PCBP3: variants seen among roughly 807,000 people sequenced by gnomAD.
PCBP3 encodes the protein poly(rC)-binding protein 3.
Under a neutral mutation model 52.7 loss-of-function variants are expected in PCBP3, and 25 were observed. The ratio of observed to expected loss-of-function variants is 0.47; its 90% CI spans 0.35 to 0.66. PCBP3 has a LOEUF of 0.66. PCBP3 is among the 30% of genes least tolerant of loss of function. PCBP3 has a pLI of 0.01. For missense variants in PCBP3, 391 were observed against 490.3 expected, an observed-to-expected ratio of 0.80 and a Z score of 1.91; for synonymous variants, 162 against 183.0, an observed-to-expected ratio of 0.89 and a Z score of 0.93.
At chr21:45,870,278 A>C (rs1186563333) in intron 5 of PCBP3, among the ~76,000 whole-genome samples, 3 of 152,198 alleles carry the variant, frequency 2.0e-5, no homozygotes. Flanking sequence ...TATTTTTAGC[A>C]GATACCATTT....
At chr21:45,709,459 A>C (rs2083681322) in intron 2 of PCBP3, among the ~76,000 whole-genome samples, 1 of 152,178 alleles carries the variant, frequency 6.6e-6, no homozygotes, top group Admixed American at 6.5e-5. Context: ...GACCTCTGCA[A>C]TGTCAGTGTC....
intron 4 of PCBP3, among the ~76,000 whole-genome samples, chr21:45,759,193 G>T (rs781677297): frequency 8.5e-5 from 13 of 152,092 alleles, no homozygotes; most frequent in Non-Finnish European, 1.8e-4. Context: ...GATTTGGGAA[G>T]GATTTCCTCC....
rs61736689 is a variant in PCBP3, at chr21:45,941,676, G to A, written c.1086G>A (p.Thr362=). ...LAQYLINARL[T]SEVTGMGTL is the part of the protein sequence containing the mutation. ...CTGCCTTTGTCTGTTCCAGGCTGACGTCCGAGGTCACCGGGATGGGCACGC... is the reference window on the plus strand; with the variant it reads ...CTGCCTTTGTCTGTTCCAGGCTGACATCCGAGGTCACCGGGATGGGCACGC... The change falls in exon 18 of 18, where the codon ACG becomes ACA. Residue 362 remains threonine (T), a synonymous_variant. Transcript: ENST00000681687. 4,821 of 1,606,558 alleles carry A rather than the reference G, an allele frequency of 3.0e-3. 122 individuals are homozygous for A. In the African/African-American group the frequency reaches 0.055, roughly 18 times the overall value.
At chr21:45,820,891 A>G (rs1002708749) in intron 4 of PCBP3, among the ~76,000 whole-genome samples, 1 of 151,990 alleles carries the variant, frequency 6.6e-6, no homozygotes, top group African/African-American at 2.4e-5. Flanking sequence ...CCTTCAGCAG[A>G]GGCCCTCAGG....
chr21:45,831,498 G>A (rs963460806), intron 4 of PCBP3, among the ~76,000 whole-genome samples: 4 of 152,084 alleles, frequency 2.6e-5, no homozygotes, highest in Non-Finnish European at 5.9e-5. Flanking sequence ...CATATAGATG[G>A]TGAGGTCTGT....
At chr21:45,843,037 G>A (rs771561719) in intron 4 of PCBP3, among the ~76,000 whole-genome samples, 122 of 152,126 alleles carry the variant, frequency 8.0e-4, no homozygotes, top group Non-Finnish European at 1.6e-3. Context: ...ATATAGAGGA[G>A]GAAGCACAAA....
chr21:45,749,950 C>T (rs939916115), intron 3 of PCBP3: 2 of 152,260 alleles, frequency 1.3e-5, no homozygotes, highest in African/African-American at 4.8e-5. Flanking sequence ...GAACATTTTC[C>T]ACAGCCTTTC....
chr21:45,657,205 T>TG (rs1383097799), intron 1 of PCBP3, among the ~76,000 whole-genome samples: 2 of 152,254 alleles, frequency 1.3e-5, no homozygotes, highest in African/African-American at 4.8e-5. Context: ...TTTTGTTGCT[T>TG]GTGCTTTGTC....
chr21:45,930,897 C>G, intron 15 of PCBP3, 52 bp downstream of exon 15: 2 of 1,607,388 alleles, frequency 1.2e-6, no homozygotes, highest in Non-Finnish European at 1.7e-6. Context: ...CAGAGCAGAG[C>G]CCCAGTGGGA....
rs554504283 is a variant in PCBP3 at position 45,844,351 on chromosome 21, G to A, written c.-125-5610G>A. 1.2e-4 allele frequency among the ~76,000 whole-genome samples: 18 copies of A among 152,204 alleles called. No individual in the cohort carries two copies. The South Asian group carries it at 3.1e-3, about 26-fold the overall frequency. On this transcript the variant is annotated intron_variant, in intron 4 of 17. Coordinates refer to ENST00000681687, the MANE Select transcript of PCBP3 (RefSeq NM_001384156.1). ...ACCTAAGGACTCTTATGATTGGGTG[G>A]CAGGGGTGGGTGGTGCTGCCCTGCC...
At chr21:45,912,496 A>G (rs1489246142) in intron 11 of PCBP3, among the ~76,000 whole-genome samples, 1 of 152,076 alleles carries the variant, frequency 6.6e-6, no homozygotes, top group African/African-American at 2.4e-5. Context: ...CACCCAGGAG[A>G]TGACGGAGGA....
rs189639400 is a variant in PCBP3, at chr21:45,712,683, A to G, written c.-199-22709A>G. 8.0e-3 allele frequency among the ~76,000 whole-genome samples: 1,208 copies of G among 151,804 alleles called. 7 individuals are homozygous for G. Among genetic ancestry groups the G allele is most frequent in the Admixed American group, 0.015 (226 of 15,258 alleles). ...TGATGATTATTATACATTTCTTGTG[A>G]GGGTTGCTCTTTCTTTCATTTTTTT... is the stretch of plus-strand genomic sequence containing the variant. On this transcript the variant is annotated intron_variant, in intron 2 of 17. Transcript: ENST00000681687.
At chr21:45,913,671 C>T (rs1028959609) in intron 11 of PCBP3, among the ~76,000 whole-genome samples, 1 of 152,196 alleles carries the variant, frequency 6.6e-6, no homozygotes, top group Non-Finnish European at 1.5e-5. Flanking sequence ...ATGTTCGGGG[C>T]AGGCGGTACT....
intron 4 of PCBP3, among the ~76,000 whole-genome samples, chr21:45,792,299 G>A (rs911407707): frequency 1.3e-5 from 2 of 152,286 alleles, no homozygotes; most frequent in African/African-American, 4.8e-5. Context: ...GGCAGCCTTG[G>A]GATGCCAGGA....
intron 5 of PCBP3, among the ~76,000 whole-genome samples, chr21:45,878,795 T>C (rs1341287243): frequency 1.3e-5 from 2 of 152,144 alleles, no homozygotes; most frequent in African/African-American, 4.8e-5. Flanking sequence ...GTACTCAGCA[T>C]AGGAAGAAAT....
At chr21:45,647,439 G>A (rs142254957) in intron 1 of PCBP3, among the ~76,000 whole-genome samples, 1 of 152,198 alleles carries the variant, frequency 6.6e-6, no homozygotes, top group African/African-American at 2.4e-5. Context: ...CATACTCAGT[G>A]CTGCAGTTGG....
chr21:45,907,260 T>C (rs1183432782), intron 9 of PCBP3, among the ~76,000 whole-genome samples: 1 of 152,196 alleles, frequency 6.6e-6, no homozygotes, highest in Non-Finnish European at 1.5e-5. Flanking sequence ...TCCTGGCTCA[T>C]TTTTGTTCCA....
rs1316387077 is a variant in PCBP3 at position 45,668,872 on chromosome 21, A to C, written c.-278-2A>C. ...TTTAATGTTGGCATTATTTTTTTTC[A>C]GCACATTGGAGATATATTTCCACAG... On this transcript the variant is annotated splice_acceptor_variant, in intron 1 of 17. Coordinates refer to ENST00000681687, the MANE Select transcript of PCBP3 (RefSeq NM_001384156.1). LOFTEE classifies it low-confidence loss of function (5UTR_SPLICE). 3 of 152,098 alleles carry C rather than the reference A, an allele frequency of 2.0e-5. No homozygotes were observed. Among genetic ancestry groups the C allele is most frequent in the Non-Finnish European group, 4.4e-5 (3 of 68,024 alleles). 9.4% of individuals were successfully genotyped at this position (152,098 alleles called of 1,614,324 possible).
At chr21:45,755,174 T>G (rs1432199643) in intron 3 of PCBP3, among the ~76,000 whole-genome samples, 1 of 152,228 alleles carries the variant, frequency 6.6e-6, no homozygotes, top group South Asian at 2.1e-4. Flanking sequence ...AGCTCTGCCT[T>G]TCTCAGAATG....
Sources: gnomAD v4.1 joint callset for allele counts (sites outside exome capture counted in the v4.1 genomes callset) on GRCh38, gnomAD v4.1.1 for gene constraint, MANE v1.5 for transcripts, NCBI Gene and HGNC (gene_info 2026-07-23, HGNC 2026-07-21) for gene names.